The following DNAI1 variants were observed in gnomAD, a reference collection of about 807,000 sequenced individuals.
The protein encoded by DNAI1 is dynein, axonemal, intermediate polypeptide 1.
DNAI1 carries 67 observed loss-of-function variants against 92.0 expected under a neutral mutation model. The ratio of observed to expected loss-of-function variants is 0.73; its 90% CI spans 0.60 to 0.89. The LOEUF (loss-of-function observed/expected upper bound fraction) is 0.89. Ranked by LOEUF, DNAI1 falls within the 40% of genes least tolerant of loss-of-function variation. The pLI is 0.00. For synonymous variants in DNAI1, 323 were observed against 319.6 expected, an observed-to-expected ratio of 1.01 and a Z score of -0.11; for missense variants, 839 against 866.6, an observed-to-expected ratio of 0.97 and a Z score of 0.40.
intron 1 of DNAI1, among the ~76,000 whole-genome samples, chr9:34,466,311 C>T (rs1824037687): frequency 6.6e-6 from 1 of 152,202 alleles, no homozygotes; most frequent in African/African-American, 2.4e-5. Context: ...TACTTTTATT[C>T]TTACATCACA....
At chr9:34,482,951 C>G (rs1824397034) in intron 1 of DNAI1, among the ~76,000 whole-genome samples, 1 of 152,246 alleles carries the variant, frequency 6.6e-6, no homozygotes, top group African/African-American at 2.4e-5. Flanking sequence ...GAGCGCAGTG[C>G]TGGTGGGCCA....
Position 34,500,657 on chromosome 9 carries a change from G to A in DNAI1, c.902-65G>A, listed in dbSNP as rs1173375339. 9.1e-6 allele frequency: 10 copies of A among 1,102,658 alleles called. No homozygotes were observed. The Admixed American group carries it at 1.6e-4, about 18-fold the overall frequency. 68.3% of individuals were successfully genotyped at this position (1,102,658 alleles called of 1,614,324 possible). On this transcript the variant is annotated intron_variant, in intron 10 of 19. Transcript: ENST00000242317. ...TTGCCCAAGGAGGTACAGACAGTAAGTGGTGGACCTGGGTTTGCCATAAAG... is the reference window on the plus strand; with the variant it reads ...TTGCCCAAGGAGGTACAGACAGTAAATGGTGGACCTGGGTTTGCCATAAAG...
At chr9:34,486,279 C>T (rs1322654370) in intron 4 of DNAI1, among the ~76,000 whole-genome samples, 2 of 152,062 alleles carry the variant, frequency 1.3e-5, no homozygotes, top group African/African-American at 2.4e-5. Context: ...CATAAAATAT[C>T]TCATATAATC....
chr9:34,513,507 T>C (rs967342991), intron 16 of DNAI1, among the ~76,000 whole-genome samples: 1 of 152,134 alleles, frequency 6.6e-6, no homozygotes, highest in Non-Finnish European at 1.5e-5. Context: ...GAAAACTTCC[T>C]GGAGGAGATT....
chr9:34,515,764 C>T (rs999542109), intron 18 of DNAI1, among the ~76,000 whole-genome samples: 4 of 152,174 alleles, frequency 2.6e-5, no homozygotes, highest in Admixed American at 2.0e-4. Flanking sequence ...TTCTATAATA[C>T]ATCCAAAACA....
At chr9:34,469,417 C>T (rs1433489110) in intron 1 of DNAI1, among the ~76,000 whole-genome samples, 1 of 149,382 alleles carries the variant, frequency 6.7e-6, no homozygotes, top group Non-Finnish European at 1.5e-5. Flanking sequence ...AGGCATGCAC[C>T]ACTAAGCCCA....
chr9:34,483,365 AG>A (rs1824410974), intron 1 of DNAI1, 82 bp from the exon 2 acceptor site: 1 of 1,255,906 alleles, frequency 8.0e-7, no homozygotes. Flanking sequence ...ATCCCTGGGC[AG>A]GAGCCTCCCT....
At chr9:34,463,377 A>G (rs1310799000) in intron 1 of DNAI1, among the ~76,000 whole-genome samples, 1 of 152,226 alleles carries the variant, frequency 6.6e-6, no homozygotes, top group Non-Finnish European at 1.5e-5. Context: ...GGAGCTCCAT[A>G]AATCATAATT....
rs527338727 is a variant in DNAI1, at chr9:34,490,777, G to A, written c.621+289G>A. 9.3e-4 allele frequency among the ~76,000 whole-genome samples: 141 copies of A among 152,310 alleles called. 1 individual carries two copies. Among genetic ancestry groups the A allele is most frequent in the African/African-American group, 3.1e-3 (130 of 41,568 alleles). On this transcript the variant is annotated intron_variant, in intron 7 of 19. Transcript: ENST00000242317. Reference sequence around the variant, plus strand: ...AGGGGTAGAAATTAGGACTTGGGAGGGGAGGGGAGGCCACAGTGTGTTCAG... The same window carrying A: ...AGGGGTAGAAATTAGGACTTGGGAGAGGAGGGGAGGCCACAGTGTGTTCAG...
At chr9:34,489,849 T>A (rs1259860801) in intron 5 of DNAI1, among the ~76,000 whole-genome samples, 163 bp from the exon 6 acceptor site, 1 of 150,682 alleles carries the variant, frequency 6.6e-6, no homozygotes, top group African/African-American at 2.4e-5. Flanking sequence ...AGACTCTGTC[T>A]CAAAAAAAAA....
chr9:34,515,133 T>C (rs1004598225), intron 18 of DNAI1, among the ~76,000 whole-genome samples: 15 of 151,982 alleles, frequency 9.9e-5, no homozygotes, highest in African/African-American at 2.9e-4. Flanking sequence ...TCCCCGGGAG[T>C]GTGCAAGCTG....
At chr9:34,514,590 G>A (rs754789865) in intron 17 of DNAI1, 48 bp downstream of exon 17, 1 of 1,614,234 alleles carries the variant, frequency 6.2e-7, no homozygotes, top group East Asian at 2.2e-5. Context: ...CCTGGGCTAT[G>A]GCACTGTGAG....
chr9:34,518,725 G>C (rs114416085), intron 19 of DNAI1, among the ~76,000 whole-genome samples: 3,095 of 152,308 alleles, frequency 0.02, 92 homozygotes, highest in African/African-American at 0.069. Context: ...TCATTCTTTG[G>C]GGGAGGAGTA....
intron 19 of DNAI1, among the ~76,000 whole-genome samples, chr9:34,519,410 C>G (rs531800100): frequency 6.6e-6 from 1 of 152,278 alleles, no homozygotes; most frequent in East Asian, 1.9e-4. Context: ...AATGACAGAG[C>G]TGGAACTAAA....
At chr9:34,513,001 C>G (rs1057084144) in intron 15 of DNAI1, 111 bp from the exon 16 acceptor site, 4 of 898,434 alleles carry the variant, frequency 4.5e-6, no homozygotes, top group Non-Finnish European at 7.6e-6. Context: ...CTGTCCTGCG[C>G]TGAGTCCTGC....
chr9:34,520,318 C>A (rs760188355), intron 19 of DNAI1, among the ~76,000 whole-genome samples: 3 of 152,204 alleles, frequency 2.0e-5, no homozygotes, highest in South Asian at 2.1e-4. Flanking sequence ...GTCAGCCCCC[C>A]GCCTTCGCAG....
chr9:34,491,354 A>G, intron 7 of DNAI1, 141 bp from the exon 8 acceptor site: 1 of 809,358 alleles, frequency 1.2e-6, no homozygotes, highest in Non-Finnish European at 2.1e-6. Flanking sequence ...TTATTCACCC[A>G]AGCCCCTCTT....
intron 1 of DNAI1, among the ~76,000 whole-genome samples, chr9:34,459,697 T>TG (rs1458498646): frequency 6.6e-6 from 1 of 152,316 alleles, no homozygotes; most frequent in East Asian, 1.9e-4. Flanking sequence ...CCTCCTACCT[T>TG]GACCTTCCGA....
intron 1 of DNAI1, among the ~76,000 whole-genome samples, chr9:34,465,600 T>G (rs1335426617): frequency 1.3e-5 from 2 of 152,244 alleles, no homozygotes; most frequent in Non-Finnish European, 2.9e-5. Flanking sequence ...TGTGAGCATT[T>G]GAGGCCAGAA....
Sources: gnomAD v4.1 joint callset for allele counts (sites outside exome capture counted in the v4.1 genomes callset) on GRCh38, gnomAD v4.1.1 for gene constraint, MANE v1.5 for transcripts, NCBI Gene and HGNC (gene_info 2026-07-23, HGNC 2026-07-21) for gene names.